RGS5: variants seen among roughly 807,000 people sequenced by gnomAD.
RGS5 encodes the protein regulator of G-protein signalling 5.
A neutral mutation model predicts 18.9 loss-of-function variants in RGS5; 20 were observed. The observed-to-expected ratio is 1.06, with a 90% confidence interval of 0.74 to 1.54. The LOEUF is 1.54. Among genes scored for constraint, RGS5 ranks in the 40% most tolerant of loss-of-function variants. The pLI, the probability that RGS5 is intolerant of heterozygous loss-of-function variation, is 0.00. For missense variants in RGS5, 201 were observed against 211.8 expected, an observed-to-expected ratio of 0.95 and a Z score of 0.32; for synonymous variants, 57 against 76.2, an observed-to-expected ratio of 0.75 and a Z score of 1.31.
intron 4 of RGS5, among the ~76,000 whole-genome samples, chr1:163,150,195 G>T (rs1036112279): frequency 6.8e-6 from 1 of 147,664 alleles, no homozygotes; most frequent in African/African-American, 2.4e-5. Context: ...AGAATGAAGG[G>T]CAAGGCTATT....
chr1:163,284,005 T>C (rs551117269), intron 2 of RGS5, among the ~76,000 whole-genome samples: 39 of 151,936 alleles, frequency 2.6e-4, no homozygotes, highest in Non-Finnish European at 4.9e-4. Flanking sequence ...AACTATGAGA[T>C]CATAAACGTG....
chr1:163,190,487 T>C (rs1418875334), intron 1 of RGS5, among the ~76,000 whole-genome samples: 1 of 152,150 alleles, frequency 6.6e-6, no homozygotes, highest in East Asian at 1.9e-4. Context: ...CACAAGATCA[T>C]ACTACCTGGA....
At position 163,147,367 on chromosome 1, in the gene RGS5, TC is replaced by T; in HGVS notation, c.520del (p.Glu174SerfsTer6). On this transcript the variant is annotated frameshift_variant, in exon 5 of 5. Coordinates refer to ENST00000313961, the MANE Select transcript of RGS5 (RefSeq NM_003617.4). LOFTEE classifies it high-confidence loss of function. ...CTACTTGATTAACTCCTGATAAAAC[TC>T]AGAGCGCACAAAGCGAGGCAGAGAA... ...KDSLPRFVRS[E>X]FYQELIK is the part of the protein sequence containing the mutation. The T allele has an allele frequency of 6.2e-7, 1 of 1,605,820 alleles. No individual in the cohort carries two copies. The highest frequency in any genetic ancestry group is 1.1e-5 in the South Asian group (1 of 89,336).
At position 163,147,289 on chromosome 1, in the gene RGS5, G is replaced by C; in HGVS notation, c.*53C>G. The C allele has an allele frequency of 2.0e-6, 3 of 1,507,984 alleles. No homozygotes were observed. Among genetic ancestry groups the C allele is most frequent in the African/African-American group, 1.4e-5 (1 of 71,346 alleles). 93.4% of individuals were successfully genotyped at this position (1,507,984 alleles called of 1,614,324 possible). A position where few individuals can be genotyped will look rare whatever the true frequency, so the allele number is the denominator to read the frequency against. On this transcript the variant is annotated 3_prime_UTR_variant, in exon 5 of 5. Transcript: ENST00000313961. ...ATATGTAGATTAATGGGAAATGCAG[G>C]GTTATTATGGAGGAAATAACTCACA... is the stretch of plus-strand genomic sequence containing the variant.
chr1:163,253,536 C>G (rs1219397022), intron 2 of RGS5, among the ~76,000 whole-genome samples: 4 of 151,534 alleles, frequency 2.6e-5, no homozygotes, highest in African/African-American at 7.3e-5. Context: ...TCTTGAACCC[C>G]TGACCTCTGG....
intron 2 of RGS5, among the ~76,000 whole-genome samples, chr1:163,164,198 G>A (rs563718502): frequency 5.3e-5 from 8 of 152,230 alleles, no homozygotes; most frequent in African/African-American, 1.7e-4. Context: ...CTTATTCTCA[G>A]AATTTGCCAG....
At chr1:163,285,070 C>G (rs1440996813) in intron 2 of RGS5, among the ~76,000 whole-genome samples, 1 of 152,136 alleles carries the variant, frequency 6.6e-6, no homozygotes, top group Non-Finnish European at 1.5e-5. Flanking sequence ...TACTCACTAC[C>G]ATGAGAACAG....
Position 163,145,504 on chromosome 1 carries a change from A to G in RGS5, c.*1838T>C, listed in dbSNP as rs1161065433. 4.6e-5 allele frequency: 7 copies of G among 152,122 alleles called. No individual in the cohort carries two copies. The highest frequency in any genetic ancestry group is 4.6e-4 in the Admixed American group (7 of 15,244). The allele number at this position is 152,122 out of a possible 1,614,324, so 9.4% of individuals were successfully genotyped here. On this transcript the variant is annotated 3_prime_UTR_variant, in exon 5 of 5. Coordinates refer to ENST00000313961, the MANE Select transcript of RGS5 (RefSeq NM_003617.4). ...TTCCTTGTCAATCCTACACAATTGC[A>G]TGCAATGAGAACTTCATGATTGTAG... is the stretch of plus-strand genomic sequence containing the variant.
chr1:163,169,197 A>AT (rs1293349397), intron 1 of RGS5, among the ~76,000 whole-genome samples: 1 of 151,920 alleles, frequency 6.6e-6, no homozygotes, highest in African/African-American at 2.4e-5. Flanking sequence ...TGAACTCATC[A>AT]TTTTTTATGG....
intron 2 of RGS5, among the ~76,000 whole-genome samples, chr1:163,256,480 G>A (rs940826271): frequency 3.9e-5 from 6 of 152,294 alleles, no homozygotes; most frequent in African/African-American, 1.4e-4. Context: ...GGAAGAAGCT[G>A]ATGAATACGC....
chr1:163,196,358 C>T lies in RGS5; in HGVS notation c.44+6434G>A, dbSNP rs573844933. ...CAGACAAAAACCATTAACAATGGCT[C>T]CAGAGACATAAATAAACTCTCTCCC... is the stretch of plus-strand genomic sequence containing the variant. On this transcript the variant is annotated intron_variant, in intron 1 of 4. Coordinates refer to ENST00000313961, the MANE Select transcript of RGS5 (RefSeq NM_003617.4). Among the ~76,000 whole-genome samples the T allele has an allele frequency of 1.1e-4, 16 of 152,226 alleles. 1 individual carries two copies. Among genetic ancestry groups the T allele is most frequent in the African/African-American group, 3.9e-4 (16 of 41,546 alleles).
chr1:163,247,770 A>T (rs955072333), intron 2 of RGS5, among the ~76,000 whole-genome samples: 5 of 152,096 alleles, frequency 3.3e-5, no homozygotes, highest in Non-Finnish European at 7.3e-5. Flanking sequence ...ATGTTCTCTC[A>T]TAGAGCCACC....
chr1:163,299,564 G>A (rs1360325321), intron 2 of RGS5, among the ~76,000 whole-genome samples: 1 of 152,154 alleles, frequency 6.6e-6, no homozygotes, highest in Non-Finnish European at 1.5e-5. Context: ...GGTTATTATT[G>A]TAATAAACAA....
intron 1 of RGS5, among the ~76,000 whole-genome samples, chr1:163,200,091 A>C (rs748270727): frequency 8.5e-5 from 13 of 152,190 alleles, no homozygotes; most frequent in Non-Finnish European, 1.8e-4. Context: ...AACATGTTAG[A>C]GAACAATGAA....
At chr1:163,150,672 T>C (rs1044840780) in intron 4 of RGS5, among the ~76,000 whole-genome samples, 2 of 152,110 alleles carry the variant, frequency 1.3e-5, no homozygotes, top group African/African-American at 4.8e-5. Context: ...CAAACTTAAA[T>C]CTAGATTCTT....
chr1:163,289,984 A>T (rs1366483479), intron 2 of RGS5, among the ~76,000 whole-genome samples: 1 of 152,198 alleles, frequency 6.6e-6, no homozygotes, highest in African/African-American at 2.4e-5. Context: ...AATATTCAAC[A>T]TGGAGGTTCC....
intron 2 of RGS5, among the ~76,000 whole-genome samples, chr1:163,303,058 T>C (rs911019350): frequency 2.0e-5 from 3 of 152,214 alleles, no homozygotes; most frequent in Non-Finnish European, 4.4e-5. Flanking sequence ...CTAACATAGA[T>C]GTAAGAATGC....
intron 2 of RGS5, among the ~76,000 whole-genome samples, chr1:163,227,030 A>T (rs1254972153): frequency 6.6e-6 from 1 of 152,240 alleles, no homozygotes; most frequent in African/African-American, 2.4e-5. Context: ...ATGGCCCAAG[A>T]TATCACCATC....
intron 1 of RGS5, among the ~76,000 whole-genome samples, chr1:163,316,373 G>A (rs1342124243): frequency 2.0e-5 from 3 of 152,102 alleles, no homozygotes; most frequent in Non-Finnish European, 2.9e-5. Flanking sequence ...TTTGTCTCAT[G>A]CCCTTAATAT....
Sources: allele counts gnomAD v4.1 joint callset (sites outside exome capture counted in the v4.1 genomes callset), GRCh38; gene constraint gnomAD v4.1.1; transcripts MANE v1.5; gene names NCBI Gene and HGNC (gene_info 2026-07-23, HGNC 2026-07-21).